Variants in MCC observed in about 807,000 individuals in gnomAD.
The protein encoded by MCC is colorectal mutant cancer protein.
In MCC, 90 loss-of-function variants were observed where a neutral mutation model predicts 116.2. The ratio of observed to expected loss-of-function variants is 0.77; its 90% CI spans 0.65 to 0.92. The LOEUF is 0.92. MCC is among the 40% of genes least tolerant of loss of function. The pLI, the probability that MCC is intolerant of heterozygous loss-of-function variation, is 0.00. For missense variants in MCC, 1,516 were observed against 1,312.2 expected, an observed-to-expected ratio of 1.16 and a Z score of -2.40; for synonymous variants, 578 against 510.5, an observed-to-expected ratio of 1.13 and a Z score of -1.78.
chr5:113,334,590 A>ATTTTT (rs58288026), intron 3 of MCC, among the ~76,000 whole-genome samples: 12 of 120,864 alleles, frequency 9.9e-5, no homozygotes, highest in Admixed American at 3.7e-4. Context: ...CTGATTTCTG[A>ATTTTT]TTTTTTTTTT....
In MCC at chr5:113,383,953, G is replaced by C. The variant is rs1581442625; in HGVS notation, c.415+1015C>G. ...TACTTCTTGCCAATAGATCTACCTA[G>C]CAGAGAAACAATGAGATCAAAGACA... On this transcript the variant is annotated intron_variant, in intron 2 of 18. Coordinates refer to ENST00000408903, the MANE Select transcript of MCC (RefSeq NM_001085377.2). Among the ~76,000 whole-genome samples, 3 of 152,128 alleles carry C rather than the reference G, an allele frequency of 2.0e-5. No individual in the cohort carries two copies. The East Asian group carries it at 5.8e-4, about 29-fold the overall frequency.
At chr5:113,399,382 G>A (rs1045293791) in intron 1 of MCC, among the ~76,000 whole-genome samples, 2 of 152,216 alleles carry the variant, frequency 1.3e-5, no homozygotes, top group Non-Finnish European at 2.9e-5. Flanking sequence ...CTACTTGGGA[G>A]GCTGAGGCAG....
chr5:113,324,989 T>G (rs1237150968), intron 3 of MCC, among the ~76,000 whole-genome samples: 5 of 150,642 alleles, frequency 3.3e-5, no homozygotes, highest in African/African-American at 1.2e-4. Context: ...CATGTCACCA[T>G]GCCCAGCTAA....
chr5:113,107,248 C>T (rs537193425), intron 6 of MCC, among the ~76,000 whole-genome samples: 179 of 137,966 alleles, frequency 1.3e-3, no homozygotes, highest in Admixed American at 2.7e-3. Context: ...GATGGAGTCT[C>T]GCTCTGTCTC....
chr5:113,452,398 G>T (rs1771427540), intron 1 of MCC, among the ~76,000 whole-genome samples: 1 of 152,224 alleles, frequency 6.6e-6, no homozygotes, highest in Admixed American at 6.5e-5. Context: ...CCTTTGGGAG[G>T]TGATGAGGTC....
chr5:113,075,569 T>C (rs974984499), intron 11 of MCC, among the ~76,000 whole-genome samples: 19 of 152,194 alleles, frequency 1.2e-4, no homozygotes, highest in Non-Finnish European at 1.5e-5. Flanking sequence ...ATCAGCACTC[T>C]GTGTCTAGCT....
At chr5:113,314,702 C>G (rs1767236379) in intron 3 of MCC, among the ~76,000 whole-genome samples, 1 of 152,216 alleles carries the variant, frequency 6.6e-6, no homozygotes, top group Non-Finnish European at 1.5e-5. Flanking sequence ...ATTCTCCTGC[C>G]TCAGCTTCCC....
intron 3 of MCC, among the ~76,000 whole-genome samples, chr5:113,266,939 T>G (rs1242525484): frequency 6.6e-6 from 1 of 152,230 alleles, no homozygotes; most frequent in Non-Finnish European, 1.5e-5. Flanking sequence ...TTGTTTCATT[T>G]TCTTGTTAAA....
intron 15 of MCC, among the ~76,000 whole-genome samples, chr5:113,050,605 G>A (rs1752422841): frequency 6.6e-6 from 1 of 152,252 alleles, no homozygotes; most frequent in Admixed American, 6.5e-5. Context: ...AATGAAAGGT[G>A]TGCCACGCCC....
intron 5 of MCC, among the ~76,000 whole-genome samples, chr5:113,140,361 C>T (rs1190142193): frequency 6.6e-6 from 1 of 152,138 alleles, no homozygotes. Context: ...TTTGTAGTTT[C>T]CAGGTATTTG....
At position 113,138,900 on chromosome 5, in the gene MCC, A is replaced by ACT. The variant is rs539261060; in HGVS notation, c.884+4316_884+4317dup. Among the ~76,000 whole-genome samples, 1,017 of 151,884 alleles carry ACT rather than the reference A, an allele frequency of 6.7e-3. 6 individuals carry two copies. The highest frequency in any genetic ancestry group is 0.01 in the Non-Finnish European group (713 of 67,950). On this transcript the variant is annotated intron_variant, in intron 5 of 18. Coordinates refer to ENST00000408903, the MANE Select transcript of MCC (RefSeq NM_001085377.2). ...ATACATCTTCCCCTTCATCCAGGGG[A>ACT]CTCTGGTTCTATAACTGGCCTGTTA...
intron 2 of MCC, among the ~76,000 whole-genome samples, chr5:113,373,839 AAC>A (rs1012582810): frequency 1.3e-5 from 2 of 152,218 alleles, no homozygotes; most frequent in Admixed American, 1.3e-4. Flanking sequence ...TTCCTGTGTT[AAC>A]ACATTTTCAC....
chr5:113,057,237 C>A (rs1752895667), intron 14 of MCC, among the ~76,000 whole-genome samples: 1 of 152,142 alleles, frequency 6.6e-6, no homozygotes, highest in South Asian at 2.1e-4. Flanking sequence ...GTGTCTTTTT[C>A]TCTAGGATTA....
At chr5:113,123,155 G>A (rs1318248728) in intron 5 of MCC, among the ~76,000 whole-genome samples, 1 of 152,156 alleles carries the variant, frequency 6.6e-6, no homozygotes, top group African/African-American at 2.4e-5. Flanking sequence ...AAGAACTAAG[G>A]CTACTAGCAC....
chr5:113,135,624 T>C (rs934084408), intron 5 of MCC, among the ~76,000 whole-genome samples: 2 of 151,756 alleles, frequency 1.3e-5, no homozygotes, highest in African/African-American at 4.8e-5. Flanking sequence ...GTAAATAGGA[T>C]TGCTTTCTTG....
chr5:113,142,612 G>T (rs1028589225), intron 5 of MCC, among the ~76,000 whole-genome samples: 1 of 147,092 alleles, frequency 6.8e-6, no homozygotes, highest in Non-Finnish European at 1.6e-5. Flanking sequence ...CTCTCTTTAA[G>T]CTCCAGCTTT....
At chr5:113,441,100 T>C (rs27718) in intron 1 of MCC, among the ~76,000 whole-genome samples, 102,821 of 152,110 alleles carry the variant, frequency 0.68, 36,800 homozygotes, top group African/African-American at 0.92. Context: ...TTTCGGAGGC[T>C]GAGGCGGGCA....
rs372422505 is a variant in MCC at position 113,043,534 on chromosome 5, G to A, written c.2752C>T (p.Arg918Cys). The A allele has an allele frequency of 1.8e-5, 29 of 1,613,832 alleles. No homozygotes were observed. The highest frequency in any genetic ancestry group is 2.2e-5 in the Non-Finnish European group (26 of 1,179,856). The change falls in exon 17 of 19, where the codon CGT (arginine) becomes TGT (cysteine). Residue 918 changes from arginine (R) to cysteine (C), a missense_variant. By Grantham distance (180) the Arg-to-Cys change is radical. Transcript: ENST00000408903. ...ELAAEFTNAI[R>C]REKKLKARVQ... ...GGGTGGGGAAAGGGTGCTTACCGAC[G>A]AATGGCGTTGGTGAACTCCGCAGCC...
At chr5:113,452,570 A>G (rs1439843104) in intron 1 of MCC, among the ~76,000 whole-genome samples, 3 of 152,236 alleles carry the variant, frequency 2.0e-5, no homozygotes, top group Non-Finnish European at 4.4e-5. Flanking sequence ...CATCTTGATC[A>G]TGGGCTTCTT....
Sources: gnomAD v4.1 joint callset for allele counts (sites outside exome capture counted in the v4.1 genomes callset) on GRCh38, gnomAD v4.1.1 for gene constraint, MANE v1.5 for transcripts, NCBI Gene and HGNC (gene_info 2026-07-23, HGNC 2026-07-21) for gene names.